DNAH17: variants seen among roughly 807,000 people sequenced by gnomAD.
DNAH17 encodes the protein dynein axonemal heavy chain 17.
Under a neutral mutation model 485.6 loss-of-function variants are expected in DNAH17, and 376 were observed. The ratio of observed to expected loss-of-function variants is 0.77; its 90% confidence interval spans 0.71 to 0.84. The LOEUF is 0.84. DNAH17 is among the 40% of genes least tolerant of loss of function. DNAH17 has a pLI of 0.00. For missense variants in DNAH17, 6,370 were observed against 5,839.3 expected (o/e 1.09, Z -2.96); for synonymous variants, 3,031 against 2,405.9 (o/e 1.26, Z -7.60).
intron 76 of DNAH17, 52 bp from the exon 77 acceptor site, chr17:78,428,759 C>T (rs1472307728): frequency 9.4e-6 from 15 of 1,597,706 alleles, no homozygotes; most frequent in Admixed American, 1.7e-5. Flanking sequence ...AGGCTGAAAC[C>T]CATGTCCTGT....
At chr17:78,487,429 C>T (rs892229707) in intron 44 of DNAH17, among the ~76,000 whole-genome samples, 5 of 152,214 alleles carry the variant, frequency 3.3e-5, no homozygotes, top group Admixed American at 1.3e-4. Context: ...GAGCTCAGCA[C>T]GTGCATCATT....
intron 16 of DNAH17, among the ~76,000 whole-genome samples, chr17:78,546,221 C>T (rs1353121117): frequency 2.0e-5 from 3 of 152,124 alleles, no homozygotes; most frequent in South Asian, 2.1e-4. Context: ...CCATTGAGCT[C>T]GGCTGTGAGA....
Position 78,501,894 on chromosome 17 carries a change from G to A in DNAH17, c.5191-21C>T, listed in dbSNP as rs773965453. 7 of 1,613,598 alleles carry A rather than the reference G, an allele frequency of 4.3e-6. No homozygotes were observed. The South Asian group carries it at 4.4e-5, about 10-fold the overall frequency. Reference sequence around the variant, plus strand: ...CTAATCTGCGGGGGAGAGTGCCTTCGATGAGACACCACGGGTGCCCACATG... The same window carrying A: ...CTAATCTGCGGGGGAGAGTGCCTTCAATGAGACACCACGGGTGCCCACATG... On this transcript the variant is annotated intron_variant, in intron 33 of 80. Coordinates refer to ENST00000389840, the MANE Select transcript of DNAH17 (RefSeq NM_173628.4).
chr17:78,491,117 G>A (rs545147171), intron 43 of DNAH17, among the ~76,000 whole-genome samples: 3 of 152,338 alleles, frequency 2.0e-5, no homozygotes, highest in South Asian at 2.1e-4. Flanking sequence ...ATCCTGGAAA[G>A]TATTGTGTTC....
In DNAH17 at chr17:78,506,734, T is replaced by A; in HGVS notation, c.4789A>T (p.Asn1597Tyr). 6.2e-7 allele frequency: 1 copy of A among 1,613,984 alleles called. No homozygotes were observed. The highest frequency in any genetic ancestry group is 8.5e-7 in the Non-Finnish European group (1 of 1,179,880). The change falls in exon 30 of 81, where the codon AAT becomes TAT. Residue 1597 changes from asparagine (N) to tyrosine (Y), a missense_variant. By Grantham distance (143) the Asn-to-Tyr change is moderately radical. Coordinates refer to ENST00000389840, the MANE Select transcript of DNAH17 (RefSeq NM_173628.4). ...GCCCCGCCTACCTCCACGGGGTCAT[T>A]GCCATTGGAGAGAATGTCCAGGAGG... is the stretch of plus-strand genomic sequence containing the variant. ...ADLLDILSNG[N>Y]DPVEVSRHLS...
chr17:78,499,786 CAG>C (rs1233738273), intron 36 of DNAH17: 4 of 153,622 alleles, frequency 2.6e-5, no homozygotes, highest in African/African-American at 9.6e-5. Flanking sequence ...GTCCAAAACT[CAG>C]GGTTCCATCC....
chr17:78,472,396 T>A (rs2088803611), intron 54 of DNAH17, among the ~76,000 whole-genome samples: 1 of 151,754 alleles, frequency 6.6e-6, no homozygotes, highest in African/African-American at 2.4e-5. Flanking sequence ...GCCTCCTCCC[T>A]GAGAATAACA....
Position 78,463,092 on chromosome 17 carries a change from C to G in DNAH17, c.8941-15G>C. The G allele has an allele frequency of 2.5e-6, 4 of 1,611,028 alleles. No homozygotes were observed. The highest frequency in any genetic ancestry group is 2.2e-5 in the South Asian group (2 of 90,800). Reference sequence around the variant, plus strand: ...TTGACTTCCCACTACAAAGATGAGACAGCCAGTCATCCCTGGGACCCCATC... The same window carrying G: ...TTGACTTCCCACTACAAAGATGAGAGAGCCAGTCATCCCTGGGACCCCATC... On this transcript the variant is annotated splice_polypyrimidine_tract_variant and intron_variant, in intron 56 of 80. Coordinates refer to ENST00000389840, the MANE Select transcript of DNAH17 (RefSeq NM_173628.4).
chr17:78,428,414 A>T, intron 77 of DNAH17, 111 bp downstream of exon 77: 1 of 1,319,804 alleles, frequency 7.6e-7, no homozygotes, highest in African/African-American at 1.5e-5. Flanking sequence ...GCTGGGGCAG[A>T]GTGTACCTCA....
rs1239616104 is a variant in DNAH17 at position 78,501,178 on chromosome 17, C to T, written c.5483+6G>A. 6.4e-7 allele frequency: 1 copy of T among 1,570,598 alleles called. No homozygotes were observed. The highest frequency in any genetic ancestry group is 8.7e-7 in the Non-Finnish European group (1 of 1,149,270). Reference sequence around the variant, plus strand: ...CACATGTGAGTTACTCAGGGACGGGCCTCACCTGTCAGTGAGTGGGGTGAT... The same window carrying T: ...CACATGTGAGTTACTCAGGGACGGGTCTCACCTGTCAGTGAGTGGGGTGAT... On this transcript the variant is annotated splice_donor_region_variant and intron_variant, in intron 35 of 80. Coordinates refer to ENST00000389840, the MANE Select transcript of DNAH17 (RefSeq NM_173628.4).
At chr17:78,507,188 C>A in intron 29 of DNAH17, 90 bp downstream of exon 29, 2 of 1,468,862 alleles carry the variant, frequency 1.4e-6, no homozygotes, top group Non-Finnish European at 1.9e-6. Flanking sequence ...TCCTGGCCAG[C>A]AGGCTGCACA....
intron 7 of DNAH17, 108 bp from the exon 8 acceptor site, chr17:78,569,635 G>A (rs1221327603): frequency 7.5e-7 from 1 of 1,335,468 alleles, no homozygotes; most frequent in African/African-American, 1.5e-5. Context: ...ATGGATATCT[G>A]AAAATAACCC....
rs778813727 is a variant in DNAH17, at chr17:78,569,470, C to G, written c.1102G>C (p.Glu368Gln). 1.7e-5 allele frequency: 28 copies of G among 1,611,430 alleles called. No homozygotes were observed. Among genetic ancestry groups the G allele is most frequent in the Non-Finnish European group, 2.3e-5 (27 of 1,178,810 alleles). Residue 368 changes from glutamate (E) to glutamine (Q), a missense_variant, in exon 8 of 81, where the codon GAA becomes CAA. Transcript: ENST00000389840. ...GCCAGGGAGATGCCACTCAGGACTTCCTCGATTTCACCTTGCAGGCCCTTC... is the reference window on the plus strand; with the variant it reads ...GCCAGGGAGATGCCACTCAGGACTTGCTCGATTTCACCTTGCAGGCCCTTC... Reference protein sequence around the residue: ...VLKGLQGEIEEVLSGISLAVN... With the variant: ...VLKGLQGEIEQVLSGISLAVN...
At chr17:78,530,289 C>T in intron 21 of DNAH17, 54 bp downstream of exon 21, 2 of 1,523,892 alleles carry the variant, frequency 1.3e-6, no homozygotes, top group Non-Finnish European at 8.9e-7. Flanking sequence ...GAAGGCCACT[C>T]CCTGGTGCTC....
rs1438338039 is a variant in DNAH17, at chr17:78,475,704, C to G, written c.8284G>C (p.Asp2762His). 2 of 1,613,842 alleles carry G rather than the reference C, an allele frequency of 1.2e-6. No homozygotes were observed. Among genetic ancestry groups the G allele is most frequent in the Non-Finnish European group, 1.7e-6 (2 of 1,179,840 alleles). Residue 2762 changes from aspartate to histidine, a missense_variant, in exon 53 of 81, where the codon GAC becomes CAC. Transcript: ENST00000389840. ...ACTGCATTAACTTCATTGTAGCTGT[C>G]CAGGACGTCCACGAGGAGCTTGTTC... ...PLNKLLVDVLDSYNEVNAVMN... is the reference protein window; with the variant it reads ...PLNKLLVDVLHSYNEVNAVMN...
chr17:78,553,597 G>A (rs2091958317), intron 14 of DNAH17, among the ~76,000 whole-genome samples: 1 of 152,042 alleles, frequency 6.6e-6, no homozygotes, highest in Non-Finnish European at 1.5e-5. Flanking sequence ...TTATAGCAAT[G>A]TAACAGCCTA....
intron 75 of DNAH17, among the ~76,000 whole-genome samples, chr17:78,429,689 T>A (rs1003973224): frequency 5.9e-5 from 9 of 152,232 alleles, no homozygotes; most frequent in Non-Finnish European, 1.3e-4. Flanking sequence ...TCTCCCACTC[T>A]GTGTTACCAT....
chr17:78,573,072 G>A (rs371955546), intron 2 of DNAH17, among the ~76,000 whole-genome samples, 178 bp from the exon 3 acceptor site: 106 of 152,212 alleles, frequency 7.0e-4, no homozygotes, highest in African/African-American at 2.5e-3. Context: ...GGAGCCCTGG[G>A]AAAACTGGAT....
At chr17:78,466,044 AAAG>A (rs1195256634) in intron 56 of DNAH17, among the ~76,000 whole-genome samples, 2 of 152,156 alleles carry the variant, frequency 1.3e-5, no homozygotes, top group Non-Finnish European at 2.9e-5. Context: ...GTCTGTGTAG[AAAG>A]AAGTAGACAT....
Sources: allele counts gnomAD v4.1 joint callset (sites outside exome capture counted in the v4.1 genomes callset), GRCh38; gene constraint gnomAD v4.1.1; transcripts MANE v1.5; gene names NCBI Gene and HGNC (gene_info 2026-07-23, HGNC 2026-07-21).